POLN: variants seen among roughly 807,000 people sequenced by gnomAD.
The protein encoded by POLN is DNA polymerase nu.
POLN carries 108 observed loss-of-function variants against 113.5 expected under a neutral mutation model. The observed-to-expected ratio is 0.95, with a 90% CI of 0.81 to 1.12. The LOEUF (loss-of-function observed/expected upper bound fraction) is 1.12, where lower values mean the gene tolerates loss of function less well. POLN is among the 50% of genes most tolerant of loss of function. The pLI is 0.00. For synonymous variants in POLN, 386 were observed against 391.5 expected (o/e 0.99, Z 0.17); for missense variants, 1,097 against 1,077.1 (o/e 1.02, Z -0.26).
At chr4:2,179,922 C>A (rs35173758) in intron 7 of POLN, among the ~76,000 whole-genome samples, 2 of 152,120 alleles carry the variant, frequency 1.3e-5, no homozygotes, top group South Asian at 2.1e-4. Context: ...CCAAGCCTCT[C>A]GAGCAAAAGG....
chr4:2,081,239 G>A, intron 22 of POLN: 4 of 1,492,914 alleles, frequency 2.7e-6, no homozygotes, highest in South Asian at 2.4e-5. Context: ...CAGGGCACCT[G>A]GGTTTTGGGT....
At chr4:2,188,607 A>G (rs1156407104) in intron 7 of POLN, among the ~76,000 whole-genome samples, 5 of 135,496 alleles carry the variant, frequency 3.7e-5, no homozygotes, top group African/African-American at 1.7e-4. Flanking sequence ...TCTCAAAAAA[A>G]ACAAAAAACA....
intron 19 of POLN, among the ~76,000 whole-genome samples, chr4:2,114,917 G>A (rs1449001886): frequency 6.6e-6 from 1 of 151,672 alleles, no homozygotes; most frequent in Non-Finnish European, 1.5e-5. Context: ...GATTCTTTGG[G>A]GGGAGGGCTT....
At position 2,093,844 on chromosome 4, in the gene POLN, G is replaced by A; in HGVS notation, c.2065+2007C>T. Among the ~76,000 whole-genome samples, 1 of 152,174 alleles carries A rather than the reference G, an allele frequency of 6.6e-6. No homozygotes were observed. Among genetic ancestry groups the A allele is most frequent in the East Asian group, 1.9e-4 (1 of 5,196 alleles). On this transcript the variant is annotated intron_variant, in intron 20 of 25. Coordinates refer to ENST00000511885, the MANE Select transcript of POLN (RefSeq NM_181808.4). This position sits in a 1 kb window ranked among gnomAD's most constrained non-coding sequence, Gnocchi z 4.1. ...CAAAAACCATGTATACAATCAAAAT[G>A]TTTTCAAAAGTGGAGCTGAGACCAC...
chr4:2,129,387 T>A (rs1036713596), intron 17 of POLN, 131 bp from the exon 18 acceptor site: 7 of 610,000 alleles, frequency 1.1e-5, no homozygotes, highest in Non-Finnish European at 1.7e-5. Flanking sequence ...CGAATATTTT[T>A]ATTAATTTAA....
chr4:2,108,912 G>A (rs769690393), intron 19 of POLN, among the ~76,000 whole-genome samples: 1 of 152,086 alleles, frequency 6.6e-6, no homozygotes, highest in Non-Finnish European at 1.5e-5. Context: ...CGTGGGCAAT[G>A]AGGAAACAGT....
At chr4:2,236,546 G>A (rs1307838884) in intron 2 of POLN, 2 of 831,974 alleles carry the variant, frequency 2.4e-6, no homozygotes, top group Admixed American at 2.2e-5. Flanking sequence ...GCATTTGTGG[G>A]GATAGCTAAG....
chr4:2,192,727 GGAAGCTGA>G, intron 7 of POLN, among the ~76,000 whole-genome samples: 1 of 151,848 alleles, frequency 6.6e-6, no homozygotes, highest in Admixed American at 6.6e-5. Context: ...CAGCACTTTG[GGAAGCTGA>G]GACAGGAGGA....
intron 3 of POLN, among the ~76,000 whole-genome samples, chr4:2,217,038 G>T (rs1216869090): frequency 6.6e-6 from 1 of 152,194 alleles, no homozygotes; most frequent in East Asian, 1.9e-4. Context: ...TGTCCCCATG[G>T]TGAATGTTCT....
At chr4:2,078,838 A>G in intron 23 of POLN, 1 of 985,480 alleles carries the variant, frequency 1.0e-6, no homozygotes, top group Non-Finnish European at 1.2e-6. Flanking sequence ...GTCTGTGTCC[A>G]GCTTTCAGAA....
intron 3 of POLN, among the ~76,000 whole-genome samples, chr4:2,225,236 C>G (rs1439541587): frequency 6.6e-6 from 1 of 151,934 alleles, no homozygotes; most frequent in Non-Finnish European, 1.5e-5. Flanking sequence ...CTTGAACCTT[C>G]TCACAATTTT....
At chr4:2,230,587 C>T (rs1388018747) in intron 2 of POLN, 1 of 151,238 alleles carries the variant, frequency 6.6e-6, no homozygotes, top group Non-Finnish European at 1.5e-5. Flanking sequence ...CAATAATTGG[C>T]AAAATATTTT....
intron 7 of POLN, among the ~76,000 whole-genome samples, chr4:2,179,903 G>T (rs971358680): frequency 2.0e-5 from 3 of 152,224 alleles, no homozygotes; most frequent in Admixed American, 6.5e-5. Flanking sequence ...GCACCATGGA[G>T]TCTGGAATCC....
At chr4:2,152,164 T>A (rs1410793474) in intron 16 of POLN, among the ~76,000 whole-genome samples, 1 of 151,628 alleles carries the variant, frequency 6.6e-6, no homozygotes, top group Non-Finnish European at 1.5e-5. Flanking sequence ...CTTGAGTAGC[T>A]GGGACCATAG....
rs1315129866 is a variant in POLN at position 2,074,910 on chromosome 4, G to A, written c.2455+542C>T. ...AGAGAAAGAACCCCTTGGGCTGACC[G>A]CTGGGGTGATTCTGCCTGAGCTAAC... On this transcript the variant is annotated intron_variant, in intron 24 of 25. Transcript: ENST00000511885. 5.3e-5 allele frequency among the ~76,000 whole-genome samples: 8 copies of A among 152,120 alleles called. No homozygotes were observed. In the East Asian group the frequency reaches 5.8e-4, roughly 11 times the overall value.
At chr4:2,134,882 T>C (rs1419430966) in intron 16 of POLN, among the ~76,000 whole-genome samples, 2 of 152,204 alleles carry the variant, frequency 1.3e-5, no homozygotes, top group Non-Finnish European at 1.5e-5. Context: ...CAGAGAGGCA[T>C]TGAAAGCATG....
At chr4:2,166,996 T>C (rs778505211) in intron 13 of POLN, among the ~76,000 whole-genome samples, 1 of 152,226 alleles carries the variant, frequency 6.6e-6, no homozygotes, top group Non-Finnish European at 1.5e-5. Flanking sequence ...AGAACCCTGT[T>C]ACAGTTCCTC....
At chr4:2,103,265 C>A (rs867848005) in intron 19 of POLN, among the ~76,000 whole-genome samples, 9 of 151,892 alleles carry the variant, frequency 5.9e-5, no homozygotes, top group Middle Eastern at 3.4e-3. Context: ...ACCAAAAAAA[C>A]CAACTAAACC....
intron 6 of POLN, 52 bp from the exon 7 acceptor site, chr4:2,193,368 A>G: frequency 7.9e-7 from 1 of 1,271,320 alleles, no homozygotes; most frequent in Admixed American, 2.2e-5. Flanking sequence ...GGGATTTTCG[A>G]CCTTGGAAAA....
Sources: allele counts gnomAD v4.1 joint callset (sites outside exome capture counted in the v4.1 genomes callset), GRCh38; gene constraint gnomAD v4.1.1; non-coding constraint Gnocchi (gnomAD v3.1); transcripts MANE v1.5; gene names NCBI Gene and HGNC (gene_info 2026-07-23, HGNC 2026-07-21).